MEIS1: variants seen among roughly 807,000 people sequenced by gnomAD.
MEIS1 encodes the protein Meis homeobox 1.
Under a neutral mutation model 50.8 loss-of-function variants are expected in MEIS1, and 5 were observed. The ratio of observed to expected loss-of-function variants is 0.10; its 90% CI spans 0.05 to 0.21. The LOEUF (loss-of-function observed/expected upper bound fraction) is 0.21. Among genes scored for constraint, MEIS1 ranks in the 10% least tolerant of loss-of-function variants. The pLI is 1.00. For missense variants in MEIS1, 318 were observed against 517.3 expected (o/e 0.61, Z 3.74); for synonymous variants, 176 against 179.3 (o/e 0.98, Z 0.15).
intron 9 of MEIS1, among the ~76,000 whole-genome samples, chr2:66,559,097 G>A (rs543582986): frequency 3.3e-5 from 5 of 151,176 alleles, no homozygotes; most frequent in African/African-American, 1.2e-4. Flanking sequence ...AGCTGAGATC[G>A]AACCACTGCA....
At chr2:66,542,536 C>T (rs528588011) in intron 8 of MEIS1, among the ~76,000 whole-genome samples, 2 of 152,196 alleles carry the variant, frequency 1.3e-5, no homozygotes, top group Non-Finnish European at 2.9e-5. Flanking sequence ...ATTCCCATAC[C>T]TTTTAAAGTA....
At chr2:66,570,220 G>A (rs1194155563) in intron 12 of MEIS1, 1 of 151,946 alleles carries the variant, frequency 6.6e-6, no homozygotes, top group Non-Finnish European at 1.5e-5. Flanking sequence ...ATTGAGCTGG[G>A]GAATGCAACA....
At chr2:66,436,493 C>G (rs1335118824) in intron 1 of MEIS1, among the ~76,000 whole-genome samples, 1 of 152,168 alleles carries the variant, frequency 6.6e-6, no homozygotes, top group East Asian at 1.9e-4. Flanking sequence ...ATTCCTTTTT[C>G]AATGGAAATG....
rs1334978742 is a variant in MEIS1 at position 66,466,830 on chromosome 2, C to T, written c.742+2610C>T. ...CATATCCAAAGAGGTGTTTCCCCCACAGACAGGAGTAATACATATTTTAAA... is the reference window on the plus strand; with the variant it reads ...CATATCCAAAGAGGTGTTTCCCCCATAGACAGGAGTAATACATATTTTAAA... On this transcript the variant is annotated intron_variant, in intron 7 of 12. Coordinates refer to ENST00000272369, the MANE Select transcript of MEIS1 (RefSeq NM_002398.3). 6.0e-4 allele frequency among the ~76,000 whole-genome samples: 91 copies of T among 152,212 alleles called. 1 individual carries two copies. The highest frequency in any genetic ancestry group is 5.8e-3 in the Admixed American group (88 of 15,294).
At chr2:66,534,078 G>C (rs947529793) in intron 8 of MEIS1, among the ~76,000 whole-genome samples, 1 of 152,044 alleles carries the variant, frequency 6.6e-6, no homozygotes, top group Admixed American at 6.6e-5. Flanking sequence ...AATTTGATGC[G>C]TGTTGTCTCA....
intron 7 of MEIS1, among the ~76,000 whole-genome samples, chr2:66,492,153 C>A (rs1673289809): frequency 6.6e-6 from 1 of 150,708 alleles, no homozygotes; most frequent in Non-Finnish European, 1.5e-5. Flanking sequence ...GGGGGTTCCT[C>A]TATTACATGC....
intron 8 of MEIS1, among the ~76,000 whole-genome samples, chr2:66,543,204 T>G (rs1264621155): frequency 6.6e-6 from 1 of 152,170 alleles, no homozygotes; most frequent in Non-Finnish European, 1.5e-5. Context: ...TAGATTTTTC[T>G]CAGACATCCT....
chr2:66,498,675 C>T (rs1673470918), intron 7 of MEIS1, among the ~76,000 whole-genome samples: 1 of 152,134 alleles, frequency 6.6e-6, no homozygotes, highest in Non-Finnish European at 1.5e-5. Flanking sequence ...GTCTTCCTGG[C>T]CTGGAGTGAC....
In MEIS1 at chr2:66,568,647, C is replaced by T; in HGVS notation, c.1025-20C>T. The T allele has an allele frequency of 6.3e-7, 1 of 1,599,316 alleles. No individual in the cohort carries two copies. Among genetic ancestry groups the T allele is most frequent in the South Asian group, 1.1e-5 (1 of 90,796 alleles). ...CTCTCAGAGACTGTTATTAAAAAACCACATTCTGTACTTTTGTAGTAAGTC... is the reference window on the plus strand; with the variant it reads ...CTCTCAGAGACTGTTATTAAAAAACTACATTCTGTACTTTTGTAGTAAGTC... On this transcript the variant is annotated intron_variant, in intron 10 of 12. Transcript: ENST00000272369.
chr2:66,509,440 G>A (rs1673769241), intron 7 of MEIS1, among the ~76,000 whole-genome samples: 2 of 152,202 alleles, frequency 1.3e-5, no homozygotes, highest in Non-Finnish European at 2.9e-5. Flanking sequence ...CCAGATGGGA[G>A]TAAAGTAGCT....
chr2:66,548,546 C>T (rs1234458488), intron 9 of MEIS1, among the ~76,000 whole-genome samples: 1 of 152,150 alleles, frequency 6.6e-6, no homozygotes, highest in African/African-American at 2.4e-5. Flanking sequence ...TGAGGCATCT[C>T]GTGGCTGTGC....
chr2:66,568,814 C>A, intron 11 of MEIS1, 58 bp downstream of exon 11: 1 of 1,434,920 alleles, frequency 7.0e-7, no homozygotes, highest in Non-Finnish European at 9.8e-7. Context: ...GTCATCCCCT[C>A]ATCAACACAG....
intron 4 of MEIS1, 160 bp downstream of exon 4, chr2:66,440,772 A>G (rs1278102211): frequency 8.5e-6 from 5 of 588,716 alleles, no homozygotes; most frequent in Non-Finnish European, 1.5e-5. Context: ...CTGGTCCGGG[A>G]CAAGATCCCG....
At chr2:66,470,973 A>G (rs1215739829) in intron 7 of MEIS1, among the ~76,000 whole-genome samples, 3 of 152,228 alleles carry the variant, frequency 2.0e-5, no homozygotes, top group Non-Finnish European at 4.4e-5. Context: ...TGAGCTTTTC[A>G]TAGTTCACAG....
intron 8 of MEIS1, among the ~76,000 whole-genome samples, chr2:66,539,723 C>CT (rs1674605306): frequency 6.6e-6 from 1 of 152,218 alleles, no homozygotes; most frequent in Admixed American, 6.5e-5. Flanking sequence ...TTCTTCCACT[C>CT]TTATTAATAC....
In MEIS1 at chr2:66,475,303, ATATT is replaced by A. The variant is rs1054574386; in HGVS notation, c.742+11090_742+11093del. Among the ~76,000 whole-genome samples the A allele has an allele frequency of 3.3e-3, 478 of 146,808 alleles. 3 individuals carry two copies. The highest frequency in any genetic ancestry group is 0.011 in the African/African-American group (454 of 40,692). Reference sequence around the variant, plus strand: ...ATATAAAAATATAAAATAAATTTATATATTTATTTAATAAATAACATATTTATAT... The same window carrying A: ...ATATAAAAATATAAAATAAATTTATATATTTAATAAATAACATATTTATAT... On this transcript the variant is annotated intron_variant, in intron 7 of 12. Transcript: ENST00000272369.
chr2:66,451,714 A>C (rs147200543), intron 6 of MEIS1, among the ~76,000 whole-genome samples: 12 of 152,098 alleles, frequency 7.9e-5, no homozygotes, highest in Non-Finnish European at 1.2e-4. Context: ...ATGATGTATA[A>C]TTTCTGAAAT....
chr2:66,504,988 G>A (rs187601514), intron 7 of MEIS1, among the ~76,000 whole-genome samples: 2 of 152,330 alleles, frequency 1.3e-5, no homozygotes, highest in African/African-American at 4.8e-5. Context: ...AGATACAAAA[G>A]TGAGGCCAAG....
chr2:66,483,521 A>G (rs1673069080), intron 7 of MEIS1, among the ~76,000 whole-genome samples: 1 of 152,216 alleles, frequency 6.6e-6, no homozygotes, highest in African/African-American at 2.4e-5. Context: ...TTGGTGGGCC[A>G]TCAAGATTTT....
Sources: gnomAD v4.1 joint callset for allele counts (sites outside exome capture counted in the v4.1 genomes callset) on GRCh38, gnomAD v4.1.1 for gene constraint, MANE v1.5 for transcripts, NCBI Gene and HGNC (gene_info 2026-07-23, HGNC 2026-07-21) for gene names.